Variants in EFCAB8 observed in about 807,000 individuals in gnomAD.
The protein encoded by EFCAB8 is EF-hand calcium binding domain 8.
EFCAB8 carries 100 observed loss-of-function variants against 116.3 expected under a neutral mutation model. That is an observed-to-expected ratio of 0.86 (90% CI 0.73 to 1.02). The LOEUF is 1.02. Ranked by LOEUF, EFCAB8 falls within the 50% of genes least tolerant of loss-of-function variation. EFCAB8 has a pLI of 0.00. For synonymous variants in EFCAB8, 558 were observed against 567.9 expected, an observed-to-expected ratio of 0.98 and a Z score of 0.25; for missense variants, 1,320 against 1,416.9, an observed-to-expected ratio of 0.93 and a Z score of 1.10.
intron 11 of EFCAB8, among the ~76,000 whole-genome samples, chr20:32,900,921 C>T (rs1436986503): frequency 6.6e-6 from 1 of 152,166 alleles, no homozygotes; most frequent in Non-Finnish European, 1.5e-5. Context: ...CCAGGATGGT[C>T]TCGATCTCTT....
chr20:32,893,443 T>C (rs1986014718), intron 9 of EFCAB8, 145 bp downstream of exon 9: 42 of 1,252,750 alleles, frequency 3.4e-5, no homozygotes, highest in Non-Finnish European at 4.6e-5. Flanking sequence ...GCAGGGTGCA[T>C]GCCGCTCAGC....
chr20:32,873,708 C>G (rs146055258), intron 3 of EFCAB8, among the ~76,000 whole-genome samples: 1 of 149,908 alleles, frequency 6.7e-6, no homozygotes, highest in African/African-American at 2.5e-5. Flanking sequence ...ACTAAAAATA[C>G]AAAAATTAGC....
intron 20 of EFCAB8, among the ~76,000 whole-genome samples, chr20:32,920,571 C>T (rs938804715): frequency 1.2e-4 from 19 of 152,136 alleles, no homozygotes; most frequent in Admixed American, 2.6e-4. Context: ...AAATGAGAAG[C>T]AGCAAAAGCG....
At chr20:32,890,226 G>A (rs1168430910) in intron 7 of EFCAB8, among the ~76,000 whole-genome samples, 4 of 151,794 alleles carry the variant, frequency 2.6e-5, no homozygotes, top group African/African-American at 7.3e-5. Context: ...AGGCCACTGT[G>A]GTCTCCTCTG....
At chr20:32,869,924 A>G (rs746112912) in intron 3 of EFCAB8, among the ~76,000 whole-genome samples, 17 of 152,154 alleles carry the variant, frequency 1.1e-4, no homozygotes, top group Non-Finnish European at 2.4e-4. Flanking sequence ...ATTGAGTTGA[A>G]TGTTGTAAAG....
Position 32,863,778 on chromosome 20 carries a change from T to G in EFCAB8, c.-10-5T>G. 6.4e-7 allele frequency: 1 copy of G among 1,550,716 alleles called. No homozygotes were observed. Among genetic ancestry groups the G allele is most frequent in the Non-Finnish European group, 8.7e-7 (1 of 1,146,688 alleles). On this transcript the variant is annotated splice_polypyrimidine_tract_variant and splice_region_variant and intron_variant, in intron 1 of 26. Transcript: ENST00000400522. ...AGTTAAGTTGACTATGATTCCCTAT[T>G]CTAGGTCAAGGCTAATGTCTTCTGA...
In EFCAB8 at chr20:32,928,918, T is replaced by A. The variant is rs1191461332; in HGVS notation, c.2413-1480T>A. Among the ~76,000 whole-genome samples the A allele has an allele frequency of 1.6e-4, 24 of 151,910 alleles. No individual in the cohort carries two copies. In the East Asian group the frequency reaches 4.6e-3, roughly 29 times the overall value. On this transcript the variant is annotated intron_variant, in intron 20 of 26. Transcript: ENST00000400522. ...ATTTTTTTTTTTTAATTTTGTCAAA[T>A]CGTTTTCTGCATCAATTAAGATGAT...
intron 23 of EFCAB8, among the ~76,000 whole-genome samples, chr20:32,955,718 C>T (rs781266233): frequency 6.6e-5 from 10 of 152,150 alleles, no homozygotes; most frequent in Non-Finnish European, 1.3e-4. Context: ...TTCTGTTCCA[C>T]GTCCTGAGCG....
In EFCAB8 at chr20:32,893,236, C is replaced by G. The variant is rs1299537496; in HGVS notation, c.821C>G (p.Thr274Ser). 3 of 1,552,028 alleles carry G rather than the reference C, an allele frequency of 1.9e-6. No individual in the cohort carries two copies. The South Asian group carries it at 3.6e-5, about 18-fold the overall frequency. Residue 274 changes from threonine to serine, a missense_variant, in exon 9 of 27, where the codon ACC (threonine) becomes AGC (serine). Coordinates refer to ENST00000400522, the MANE Select transcript of EFCAB8 (RefSeq NM_001143967.2). ...GCCAAAGGCAACGTCATTGTCTTCA[C>G]CTCCGAAAACATGACCAGTGGGCTG... is the stretch of plus-strand genomic sequence containing the variant. ...GDAKGNVIVFTSENMTSGLFN... is the reference protein window; with the variant it reads ...GDAKGNVIVFSSENMTSGLFN...
intron 20 of EFCAB8, among the ~76,000 whole-genome samples, chr20:32,923,288 C>G (rs1160953914): frequency 1.3e-5 from 2 of 152,168 alleles, no homozygotes; most frequent in African/African-American, 4.8e-5. Context: ...GAGTTCGAAA[C>G]CAGCCTGGGC....
At chr20:32,907,181 T>G in intron 13 of EFCAB8, 187 bp downstream of exon 13, 1 of 942,114 alleles carries the variant, frequency 1.1e-6, no homozygotes, top group Non-Finnish European at 1.3e-6. Context: ...GGTTCCCAGG[T>G]AGCCCAGCCT....
At chr20:32,872,437 C>T (rs746850046) in intron 3 of EFCAB8, among the ~76,000 whole-genome samples, 5 of 152,126 alleles carry the variant, frequency 3.3e-5, no homozygotes, top group Non-Finnish European at 7.3e-5. Context: ...GCAACAGGCT[C>T]ATGCCTGCCA....
At chr20:32,953,836 G>C (rs1346783848) in intron 23 of EFCAB8, among the ~76,000 whole-genome samples, 1 of 152,118 alleles carries the variant, frequency 6.6e-6, no homozygotes, top group Non-Finnish European at 1.5e-5. Context: ...TTGAAATGGA[G>C]GTTTGCTCTT....
At chr20:32,940,039 T>C (rs191311559) in intron 22 of EFCAB8, among the ~76,000 whole-genome samples, 4,952 of 53,330 alleles carry the variant, frequency 0.093, 778 homozygotes, top group African/African-American at 0.13. Flanking sequence ...CTTCCTTCCT[T>C]CCTTCCTTCC....
intron 23 of EFCAB8, among the ~76,000 whole-genome samples, chr20:32,945,287 C>T (rs1961327988): frequency 6.6e-6 from 1 of 152,102 alleles, no homozygotes; most frequent in African/African-American, 2.4e-5. Flanking sequence ...TCCTGAGTAG[C>T]TGGGACTACA....
Position 32,920,390 on chromosome 20 carries a change from G to T in EFCAB8, c.2412+175G>T, listed in dbSNP as rs142403377. On this transcript the variant is annotated intron_variant, in intron 20 of 26. Coordinates refer to ENST00000400522, the MANE Select transcript of EFCAB8 (RefSeq NM_001143967.2). ...TCAGGATACTGGAGTCAGGGCTGCG[G>T]TGTCTGGGGAGAGCTCCTGTATTAA... Among the ~76,000 whole-genome samples the T allele has an allele frequency of 3.1e-3, 479 of 152,290 alleles. 1 individual carries two copies. Among genetic ancestry groups the T allele is most frequent in the Middle Eastern group, 0.02 (6 of 294 alleles).
chr20:32,898,155 C>G (rs1471627409), intron 10 of EFCAB8, among the ~76,000 whole-genome samples: 3 of 152,214 alleles, frequency 2.0e-5, no homozygotes, highest in African/African-American at 7.2e-5. Flanking sequence ...CTGTGGATAA[C>G]TAGATTGTGG....
At chr20:32,885,674 G>T in intron 6 of EFCAB8, 34 bp downstream of exon 6, 2 of 1,548,896 alleles carry the variant, frequency 1.3e-6, no homozygotes, top group South Asian at 1.2e-5. Context: ...TGCACACATG[G>T]GTGATTGGAG....
intron 23 of EFCAB8, among the ~76,000 whole-genome samples, chr20:32,953,360 AT>A (rs1316844294): frequency 6.6e-6 from 1 of 152,210 alleles, no homozygotes; most frequent in East Asian, 1.9e-4. Flanking sequence ...GGATTGCTGG[AT>A]CATATGGTAG....
Sources: gnomAD v4.1 joint callset for allele counts (sites outside exome capture counted in the v4.1 genomes callset) on GRCh38, gnomAD v4.1.1 for gene constraint, MANE v1.5 for transcripts, NCBI Gene and HGNC (gene_info 2026-07-23, HGNC 2026-07-21) for gene names.